Variants in TIAM1 observed in about 807,000 individuals in gnomAD.
TIAM1 encodes rho guanine nucleotide exchange factor TIAM1.
In TIAM1, 65 loss-of-function variants were observed where a neutral mutation model predicts 163.5. The observed-to-expected ratio is 0.40, with a 90% CI of 0.33 to 0.49. TIAM1 has a LOEUF of 0.49. Among genes scored for constraint, TIAM1 ranks in the 20% least tolerant of loss-of-function variants. The pLI, the probability that TIAM1 is intolerant of heterozygous loss-of-function variation, is 0.77. For synonymous variants in TIAM1, 833 were observed against 810.1 expected, an observed-to-expected ratio of 1.03 and a Z score of -0.48; for missense variants, 1,789 against 2,044.7, an observed-to-expected ratio of 0.87 and a Z score of 2.41.
intron 15 of TIAM1, among the ~76,000 whole-genome samples, chr21:31,169,285 C>T (rs1357793805): frequency 6.6e-6 from 1 of 151,494 alleles, no homozygotes; most frequent in Admixed American, 6.6e-5. Flanking sequence ...CTGAGTGAGA[C>T]TCCGTCTCAA....
chr21:31,486,095 TG>T (rs1389240711), intron 1 of TIAM1, among the ~76,000 whole-genome samples: 3 of 152,166 alleles, frequency 2.0e-5, no homozygotes, highest in African/African-American at 7.2e-5. Context: ...CTCTTCCACC[TG>T]AGGATTCACC....
chr21:31,142,446 CAT>C (rs578143629), intron 20 of TIAM1, among the ~76,000 whole-genome samples: 240 of 126,310 alleles, frequency 1.9e-3, no homozygotes, highest in African/African-American at 6.8e-3. Flanking sequence ...GCTAAAATCT[CAT>C]CTCTACTAAA....
chr21:31,446,160 T>C (rs2044615797), intron 2 of TIAM1, among the ~76,000 whole-genome samples: 1 of 152,058 alleles, frequency 6.6e-6, no homozygotes. Flanking sequence ...AGGCTGGTCT[T>C]GAACTCCTGA....
intron 2 of TIAM1, among the ~76,000 whole-genome samples, chr21:31,307,694 CAA>C (rs2074767757): frequency 1.3e-5 from 2 of 152,030 alleles, no homozygotes; most frequent in African/African-American, 4.8e-5. Flanking sequence ...TCAAGGAGCT[CAA>C]GTCTAGCAAG....
intron 1 of TIAM1, among the ~76,000 whole-genome samples, chr21:31,540,119 C>T (rs2048273887): frequency 6.6e-6 from 1 of 152,122 alleles, no homozygotes; most frequent in Non-Finnish European, 1.5e-5. Context: ...GGCGCAGTGG[C>T]TCACGCCTAT....
At chr21:31,294,096 G>T (rs927689847) in intron 2 of TIAM1, among the ~76,000 whole-genome samples, 1 of 152,062 alleles carries the variant, frequency 6.6e-6, no homozygotes, top group Non-Finnish European at 1.5e-5. Context: ...GGTGAGGGTG[G>T]GGGGTGTCCC....
chr21:31,408,301 G>A (rs751311981), intron 2 of TIAM1, among the ~76,000 whole-genome samples: 1 of 152,210 alleles, frequency 6.6e-6, no homozygotes, highest in Non-Finnish European at 1.5e-5. Context: ...ATGAGAGTCT[G>A]TCAACTGAAA....
At chr21:31,122,625 T>C (rs1039656716) in intron 27 of TIAM1, among the ~76,000 whole-genome samples, 1 of 151,052 alleles carries the variant, frequency 6.6e-6, no homozygotes, top group African/African-American at 2.5e-5. Flanking sequence ...CATAAGAAAA[T>C]AGATAGAACA....
intron 2 of TIAM1, among the ~76,000 whole-genome samples, chr21:31,306,017 G>A (rs973277703): frequency 1.3e-5 from 2 of 152,300 alleles, no homozygotes; most frequent in Middle Eastern, 3.4e-3. Context: ...CAACGAGACA[G>A]AGGAGCACAC....
At chr21:31,315,958 C>T (rs1272704192) in intron 2 of TIAM1, among the ~76,000 whole-genome samples, 2 of 152,176 alleles carry the variant, frequency 1.3e-5, no homozygotes, top group Non-Finnish European at 2.9e-5. Flanking sequence ...GTCTGGGAGA[C>T]AGAGCGAGAC....
chr21:31,407,227 A>C (rs1337337667), intron 2 of TIAM1, among the ~76,000 whole-genome samples: 8 of 152,358 alleles, frequency 5.3e-5, no homozygotes, highest in African/African-American at 1.7e-4. Context: ...AAGTGTGTGA[A>C]GCCAAAATTG....
At position 31,203,244 on chromosome 21, in the gene TIAM1, T is replaced by A. The variant is rs144714834; in HGVS notation, c.2389-232A>T. The stretch of plus-strand genomic sequence containing the variant: ...TTCAAGTGATTCTCCTGCCTCAGCT[T>A]CCTGAGTAGCTGGGATTACAGGCGC... On this transcript the variant is annotated intron_variant, in intron 11 of 27. Coordinates refer to ENST00000541036, the MANE Select transcript of TIAM1 (RefSeq NM_001353694.2). 1.3e-3 allele frequency among the ~76,000 whole-genome samples: 193 copies of A among 152,284 alleles called. 2 individuals carry two copies. Among genetic ancestry groups the A allele is most frequent in the African/African-American group, 4.4e-3 (184 of 41,566 alleles).
chr21:31,325,731 T>A (rs1056449647), intron 2 of TIAM1, among the ~76,000 whole-genome samples: 1 of 151,824 alleles, frequency 6.6e-6, no homozygotes, highest in African/African-American at 2.4e-5. Flanking sequence ...ATATTCATCA[T>A]GTATCTGGGG....
intron 16 of TIAM1, among the ~76,000 whole-genome samples, chr21:31,157,742 T>A (rs1251214533): frequency 6.6e-6 from 1 of 152,120 alleles, no homozygotes; most frequent in South Asian, 2.1e-4. Context: ...GGATTTAACA[T>A]GCAAATTCCA....
At chr21:31,463,775 G>A (rs1247049239) in intron 2 of TIAM1, among the ~76,000 whole-genome samples, 8 of 146,908 alleles carry the variant, frequency 5.4e-5, no homozygotes, top group East Asian at 2.0e-4. Flanking sequence ...CCAAGATAGC[G>A]CCATTGCACT....
intron 2 of TIAM1, among the ~76,000 whole-genome samples, chr21:31,377,687 G>C (rs529455121): frequency 2.0e-5 from 3 of 152,254 alleles, no homozygotes; most frequent in Non-Finnish European, 1.5e-5. Context: ...GCAGGTTTCT[G>C]TCTGCCATCC....
intron 2 of TIAM1, among the ~76,000 whole-genome samples, chr21:31,356,771 A>G (rs547296071): frequency 6.6e-6 from 1 of 152,322 alleles, no homozygotes; most frequent in East Asian, 1.9e-4. Context: ...GGAATAAGAC[A>G]CACTCCAAGA....
At position 31,208,594 on chromosome 21, in the gene TIAM1, G is replaced by C. The variant is rs575834919; in HGVS notation, c.2388+1451C>G. Among the ~76,000 whole-genome samples the C allele has an allele frequency of 2.0e-5, 3 of 152,302 alleles. No individual in the cohort carries two copies. The South Asian group carries it at 6.2e-4, about 32-fold the overall frequency. ...ATGAAGGATTCAAAGCACACAGAGA[G>C]GTGATACCATTTATTTTTAGCATCC... On this transcript the variant is annotated intron_variant, in intron 11 of 27. Coordinates refer to ENST00000541036, the MANE Select transcript of TIAM1 (RefSeq NM_001353694.2).
At chr21:31,210,788 A>AAG (rs1422073277) in intron 10 of TIAM1, among the ~76,000 whole-genome samples, 2 of 141,292 alleles carry the variant, frequency 1.4e-5, no homozygotes, top group Admixed American at 6.7e-5. Flanking sequence ...GAAAGAAAGA[A>AAG]AGAAAGAAAG....
Sources: gnomAD v4.1 joint callset for allele counts (sites outside exome capture counted in the v4.1 genomes callset) on GRCh38, gnomAD v4.1.1 for gene constraint, MANE v1.5 for transcripts, NCBI Gene and HGNC (gene_info 2026-07-23, HGNC 2026-07-21) for gene names.